Variants in SSH2 observed in about 807,000 individuals in gnomAD.
SSH2 encodes protein phosphatase Slingshot homolog 2.
Under a neutral mutation model 135.2 loss-of-function variants are expected in SSH2, and 37 were observed. The observed-to-expected ratio is 0.27, with a 90% CI of 0.21 to 0.36. The LOEUF is 0.36. SSH2 is among the 10% of genes least tolerant of loss of function. SSH2 has a pLI of 1.00. For synonymous variants in SSH2, 628 were observed against 646.2 expected (o/e 0.97, Z 0.43); for missense variants, 1,408 against 1,765.3 (o/e 0.80, Z 3.63).
chr17:29,744,128 G>A (rs1382112502), intron 3 of SSH2, among the ~76,000 whole-genome samples: 1 of 152,084 alleles, frequency 6.6e-6, no homozygotes, highest in Non-Finnish European at 1.5e-5. Context: ...GTTTCTCTAG[G>A]TGAAAAGGCC....
In SSH2 at chr17:29,632,735, G is replaced by A. The variant is rs2035739961; in HGVS notation, c.2459C>T (p.Ala820Val). The A allele has an allele frequency of 4.3e-6, 7 of 1,614,146 alleles. No individual in the cohort carries two copies. Among genetic ancestry groups the A allele is most frequent in the Non-Finnish European group, 5.9e-6 (7 of 1,180,030 alleles). ...NSIHELLLER[A>V]QTPENKPGHM... ...TCCAGGTTTGTTCTCTGGAGTCTGG[G>A]CCCTCTCAAGGAGCAGCTCATGGAT... is the stretch of plus-strand genomic sequence containing the variant. The change falls in exon 16 of 16, where the codon GCC (alanine) becomes GTC (valine). Residue 820 changes from alanine (A) to valine (V), a missense_variant. Ala to Val is a moderately conservative substitution (Grantham distance 64). This residue lies in a region of SSH2 where 1,080 missense variants were observed against 1,144.5 expected (regional missense o/e 0.94). Coordinates refer to ENST00000540801, the MANE Select transcript of SSH2 (RefSeq NM_001282129.2).
intron 1 of SSH2, among the ~76,000 whole-genome samples, chr17:29,894,635 T>A (rs1261286521): frequency 6.6e-6 from 1 of 152,064 alleles, no homozygotes; most frequent in Non-Finnish European, 1.5e-5. Flanking sequence ...GTTGGTTGAA[T>A]CTGCAGATGC....
intron 2 of SSH2, among the ~76,000 whole-genome samples, chr17:29,825,843 G>A (rs576687737): frequency 1.2e-4 from 19 of 152,246 alleles, no homozygotes; most frequent in Non-Finnish European, 2.5e-4. Flanking sequence ...CACATGATAC[G>A]AAACAAGGCA....
At chr17:29,681,508 T>C (rs1160485116) in intron 6 of SSH2, among the ~76,000 whole-genome samples, 1 of 151,674 alleles carries the variant, frequency 6.6e-6, no homozygotes, top group African/African-American at 2.4e-5. Context: ...AATAAAAATT[T>C]ATTTAGTGCC....
At chr17:29,696,148 T>C (rs2038718528) in intron 4 of SSH2, among the ~76,000 whole-genome samples, 1 of 147,720 alleles carries the variant, frequency 6.8e-6, no homozygotes, top group Admixed American at 6.9e-5. Flanking sequence ...TAGTGACTGA[T>C]ATTATAATGA....
intron 3 of SSH2, among the ~76,000 whole-genome samples, chr17:29,789,630 C>T (rs996854770): frequency 2.0e-5 from 3 of 152,092 alleles, no homozygotes; most frequent in Non-Finnish European, 4.4e-5. Flanking sequence ...AGGCTAGGAC[C>T]ACTGGCAAGC....
chr17:29,804,830 C>T (rs2042311287), intron 2 of SSH2, among the ~76,000 whole-genome samples: 1 of 149,070 alleles, frequency 6.7e-6, no homozygotes, highest in African/African-American at 2.5e-5. Context: ...TAGGTGCATA[C>T]CACCACATCT....
At chr17:29,914,571 AAAAC>A (rs1170537068) in intron 1 of SSH2, among the ~76,000 whole-genome samples, 163 of 149,248 alleles carry the variant, frequency 1.1e-3, no homozygotes, top group African/African-American at 3.9e-3. Context: ...AAAAAAAAAA[AAAAC>A]AAACAAAAAA....
chr17:29,823,394 C>G (rs141520540), intron 2 of SSH2, among the ~76,000 whole-genome samples: 1 of 152,122 alleles, frequency 6.6e-6, no homozygotes, highest in Non-Finnish European at 1.5e-5. Flanking sequence ...AGGCTTTGAC[C>G]CTTGCACTGG....
chr17:29,658,605 A>G (rs1370495713), intron 11 of SSH2, among the ~76,000 whole-genome samples: 1 of 152,146 alleles, frequency 6.6e-6, no homozygotes, highest in African/African-American at 2.4e-5. Context: ...GCAGTGGCTC[A>G]CGTCTGTAAT....
At chr17:29,913,368 A>ATATATATATATATC in intron 1 of SSH2, among the ~76,000 whole-genome samples, 1 of 98,654 alleles carries the variant, frequency 1.0e-5, no homozygotes, top group South Asian at 3.9e-4. Context: ...ATATATATAT[A>ATATATATATATATC]TATATATATA....
intron 3 of SSH2, chr17:29,716,335 G>T: frequency 1.8e-5 from 8 of 446,714 alleles, no homozygotes; most frequent in Non-Finnish European, 2.5e-5. Context: ...TTTCTTTCAC[G>T]TGCTTCAGGA....
rs1013637529 is a variant in SSH2 at position 29,631,490 on chromosome 17, A to G, written c.3704T>C (p.Val1235Ala). 3 of 1,614,020 alleles carry G rather than the reference A, an allele frequency of 1.9e-6. No homozygotes were observed. The Admixed American group carries it at 5.0e-5, about 27-fold the overall frequency. The change falls in exon 16 of 16, where the codon GTA (valine) becomes GCA (alanine). Residue 1235 changes from valine (V) to alanine (A), a missense_variant. By Grantham distance (64) the Val-to-Ala change is moderately conservative (BLOSUM62 0). Around this residue, in one of 3 missense-constraint regions of SSH2, gnomAD observed 1,080 missense variants for 1,144.5 expected, o/e 0.94. Transcript: ENST00000540801. ...AGAGCTATGTGGGAGTCGACAGGCT[A>G]CAGGCAATGGGTCCATTTTCTCCTG... is the stretch of plus-strand genomic sequence containing the variant. The part of the protein sequence containing the change: ...ELQEKMDPLP[V>A]ACRLPHSSSS...
intron 3 of SSH2, among the ~76,000 whole-genome samples, chr17:29,781,928 C>T (rs1309233863): frequency 6.6e-6 from 1 of 151,948 alleles, no homozygotes; most frequent in Non-Finnish European, 1.5e-5. Flanking sequence ...TCACTGCAAC[C>T]TCTCCCTCCC....
At chr17:29,718,593 C>G (rs891604712) in intron 3 of SSH2, among the ~76,000 whole-genome samples, 6 of 151,856 alleles carry the variant, frequency 4.0e-5, no homozygotes, top group Admixed American at 2.6e-4. Flanking sequence ...ATTAGCTGGG[C>G]GTGGTGGCAG....
chr17:29,817,945 A>T (rs1229131068), intron 2 of SSH2, among the ~76,000 whole-genome samples: 9 of 151,480 alleles, frequency 5.9e-5, no homozygotes, highest in Non-Finnish European at 1.0e-4. Context: ...TATTATTATT[A>T]TTTTTGTAGA....
chr17:29,834,767 G>A (rs1420938225), intron 2 of SSH2, among the ~76,000 whole-genome samples: 1 of 151,952 alleles, frequency 6.6e-6, no homozygotes, highest in East Asian at 1.9e-4. Context: ...GAGGTAGAGA[G>A]GCAACTTAAT....
intron 14 of SSH2, chr17:29,647,891 G>A (rs1255617185): frequency 2.5e-6 from 1 of 405,766 alleles, no homozygotes; most frequent in Non-Finnish European, 4.6e-6. Context: ...TCGAACTCCT[G>A]ACCTCAAATG....
chr17:29,696,170 T>TACACACAC (rs1410407126), intron 4 of SSH2, among the ~76,000 whole-genome samples: 5 of 117,300 alleles, frequency 4.3e-5, no homozygotes, highest in Admixed American at 9.2e-5. Flanking sequence ...AGTATGTATA[T>TACACACAC]ATATACACAC....
Sources: allele counts gnomAD v4.1 joint callset (sites outside exome capture counted in the v4.1 genomes callset), GRCh38; gene constraint gnomAD v4.1.1; regional missense constraint gnomAD v4.1.1; transcripts MANE v1.5; gene names NCBI Gene and HGNC (gene_info 2026-07-23, HGNC 2026-07-21).